The following RCAN2 variants were observed in gnomAD, a reference collection of about 807,000 sequenced individuals.
RCAN2 encodes calcipressin-2.
A neutral mutation model predicts 23.6 loss-of-function variants in RCAN2; 9 were observed. That is an observed-to-expected ratio of 0.38 (90% CI 0.23 to 0.67). The LOEUF (loss-of-function observed/expected upper bound fraction) is 0.67. Ranked by LOEUF, RCAN2 falls within the 30% of genes least tolerant of loss-of-function variation. The probability of loss-of-function intolerance (pLI) is 0.51; values close to 1 mark genes in which losing one functional copy is unlikely to be tolerated. For missense variants in RCAN2, 273 were observed against 302.3 expected (o/e 0.90, Z 0.72); for synonymous variants, 109 against 115.7 (o/e 0.94, Z 0.37).
chr6:46,286,362 A>C (rs1325510759), intron 2 of RCAN2, among the ~76,000 whole-genome samples: 2 of 152,074 alleles, frequency 1.3e-5, no homozygotes, highest in African/African-American at 4.8e-5. Flanking sequence ...TGCTTCATTA[A>C]ACTCTTAAAT....
At chr6:46,289,077 CG>C (rs1762458451) in intron 2 of RCAN2, among the ~76,000 whole-genome samples, 1 of 152,124 alleles carries the variant, frequency 6.6e-6, no homozygotes, top group Non-Finnish European at 1.5e-5. Flanking sequence ...GTGGGGCTGA[CG>C]GGTGGCTGCA....
At chr6:46,318,234 A>C (rs1162095762) in intron 2 of RCAN2, among the ~76,000 whole-genome samples, 2 of 152,210 alleles carry the variant, frequency 1.3e-5, no homozygotes, top group South Asian at 2.1e-4. Flanking sequence ...AAAATCTTAC[A>C]ATTAAATAGC....
intron 1 of RCAN2, among the ~76,000 whole-genome samples, chr6:46,462,510 G>A (rs1299318734): frequency 6.6e-6 from 1 of 152,112 alleles, no homozygotes; most frequent in Non-Finnish European, 1.5e-5. Context: ...AAGACCTAAA[G>A]TAAAGACAAT....
At chr6:46,251,967 G>A (rs1204634309) in intron 2 of RCAN2, among the ~76,000 whole-genome samples, 1 of 152,078 alleles carries the variant, frequency 6.6e-6, no homozygotes, top group Non-Finnish European at 1.5e-5. Context: ...GGATCATATG[G>A]GGCTTAAAGT....
At chr6:46,459,457 C>T (rs1458538366) in intron 1 of RCAN2, among the ~76,000 whole-genome samples, 2 of 152,116 alleles carry the variant, frequency 1.3e-5, no homozygotes, top group Non-Finnish European at 2.9e-5. Flanking sequence ...TTAATCTACT[C>T]AAATAGCCTT....
chr6:46,324,632 T>C (rs1763730615), intron 2 of RCAN2, among the ~76,000 whole-genome samples: 1 of 152,206 alleles, frequency 6.6e-6, no homozygotes, highest in African/African-American at 2.4e-5. Context: ...CATTTCCATT[T>C]TGCAAGCCTG....
intron 2 of RCAN2, among the ~76,000 whole-genome samples, chr6:46,423,053 G>A (rs1335578148): frequency 6.6e-6 from 1 of 152,110 alleles, no homozygotes. Context: ...CTTGGTTCCT[G>A]GGGAGGTCCA....
rs777523825 is a variant in RCAN2, at chr6:46,408,217, C to T, written c.225+48535G>A. 1.5e-3 allele frequency among the ~76,000 whole-genome samples: 227 copies of T among 152,138 alleles called. 2 individuals are homozygous for T. The highest frequency in any genetic ancestry group is 8.6e-3 in the Admixed American group (132 of 15,274). On this transcript the variant is annotated intron_variant, in intron 2 of 4. Coordinates refer to ENST00000371374, the MANE Select transcript of RCAN2 (RefSeq NM_001251974.2). ...CCTATTACTTCCCTGCGGGCGGCTC[C>T]GACTGTTCAGCTCTACATAATTTTG...
intron 2 of RCAN2, among the ~76,000 whole-genome samples, chr6:46,408,077 C>T (rs1198136612): frequency 6.6e-6 from 1 of 152,200 alleles, no homozygotes; most frequent in Non-Finnish European, 1.5e-5. Flanking sequence ...TATAAAACAA[C>T]TTCTGAGGAT....
intron 2 of RCAN2, among the ~76,000 whole-genome samples, chr6:46,306,074 GCTACACAGCAGGGTGGTTTTTTACAAAAT>G (rs1308001905): frequency 6.6e-6 from 1 of 152,124 alleles, no homozygotes; most frequent in Non-Finnish European, 1.5e-5. Flanking sequence ...CACCCAGTGT[GCTACACAGCAGGGTGGTTTTTTACAAAAT>G]GCCTCTGATT....
chr6:46,248,567 G>C (rs193150513), intron 3 of RCAN2, among the ~76,000 whole-genome samples, 156 bp downstream of exon 3: 1 of 152,184 alleles, frequency 6.6e-6, no homozygotes, highest in Admixed American at 6.5e-5. Flanking sequence ...CCACTAAGCT[G>C]TTTCTGTCTG....
chr6:46,235,234 T>A (rs938863857), intron 4 of RCAN2, among the ~76,000 whole-genome samples: 8 of 152,196 alleles, frequency 5.3e-5, no homozygotes, highest in Admixed American at 4.6e-4. Flanking sequence ...AGATTCCTAA[T>A]AAGAAAAACT....
chr6:46,331,071 C>T (rs1205140194), intron 2 of RCAN2, among the ~76,000 whole-genome samples: 1 of 152,230 alleles, frequency 6.6e-6, no homozygotes, highest in Non-Finnish European at 1.5e-5. Context: ...ATTCCTCCTT[C>T]ATTTATTCAT....
At chr6:46,355,401 GGCTCCAGCTCGACTGGTCAAGGAA>G (rs1172039820) in intron 2 of RCAN2, among the ~76,000 whole-genome samples, 19 of 152,172 alleles carry the variant, frequency 1.2e-4, no homozygotes, top group Admixed American at 2.0e-4. Flanking sequence ...CTGGGAATGA[GGCTCCAGCTCGACTGGTCAAGGAA>G]GCCTGCCACC....
At chr6:46,276,620 A>G (rs1274211129) in intron 2 of RCAN2, among the ~76,000 whole-genome samples, 5 of 152,214 alleles carry the variant, frequency 3.3e-5, no homozygotes, top group Admixed American at 3.3e-4. Flanking sequence ...ACAAAATGCT[A>G]CTTTGGGGAA....
At chr6:46,315,614 T>A (rs937036581) in intron 2 of RCAN2, among the ~76,000 whole-genome samples, 1 of 152,004 alleles carries the variant, frequency 6.6e-6, no homozygotes, top group Non-Finnish European at 1.5e-5. Context: ...TGGGGCAAGG[T>A]CTGATGGGCC....
At chr6:46,272,739 CT>C (rs1767561816) in intron 2 of RCAN2, among the ~76,000 whole-genome samples, 1 of 152,068 alleles carries the variant, frequency 6.6e-6, no homozygotes, top group Non-Finnish European at 1.5e-5. Flanking sequence ...AAAAATAGGA[CT>C]TTTTTGAATT....
At chr6:46,360,416 C>A (rs988197488) in intron 2 of RCAN2, among the ~76,000 whole-genome samples, 1 of 151,606 alleles carries the variant, frequency 6.6e-6, no homozygotes, top group Admixed American at 6.6e-5. Context: ...CACCTGTAGT[C>A]CCAGCTCCTC....
At chr6:46,300,736 TA>T (rs1325798550) in intron 2 of RCAN2, among the ~76,000 whole-genome samples, 2 of 152,048 alleles carry the variant, frequency 1.3e-5, no homozygotes, top group Admixed American at 6.6e-5. Flanking sequence ...TTTGACTAGC[TA>T]AAAACACATT....
Sources: gnomAD v4.1 joint callset for allele counts (sites outside exome capture counted in the v4.1 genomes callset) on GRCh38, gnomAD v4.1.1 for gene constraint, MANE v1.5 for transcripts, NCBI Gene and HGNC (gene_info 2026-07-23, HGNC 2026-07-21) for gene names.